TFCP2: variants seen among roughly 807,000 people sequenced by gnomAD.
TFCP2 encodes the protein alpha-globin transcription factor CP2.
In TFCP2, 33 loss-of-function variants were observed where a neutral mutation model predicts 73.4. That is an observed-to-expected ratio of 0.45 (90% CI 0.34 to 0.60). TFCP2 has a LOEUF of 0.60. TFCP2 is among the 20% of genes least tolerant of loss of function. The pLI is 0.01. For missense variants in TFCP2, 352 were observed against 604.0 expected, an observed-to-expected ratio of 0.58 and a Z score of 4.37; for synonymous variants, 193 against 211.6, an observed-to-expected ratio of 0.91 and a Z score of 0.76.
At chr12:51,168,187 G>A (rs1941792585) in intron 1 of TFCP2, among the ~76,000 whole-genome samples, 2 of 152,138 alleles carry the variant, frequency 1.3e-5, no homozygotes, top group Non-Finnish European at 2.9e-5. Context: ...TTTGAGCCCA[G>A]GAGTTCCAGA....
intron 3 of TFCP2, among the ~76,000 whole-genome samples, chr12:51,117,157 C>T (rs1940547532): frequency 6.6e-6 from 1 of 152,140 alleles, no homozygotes; most frequent in Admixed American, 6.6e-5. Context: ...AGCCTGTTTC[C>T]ATCAACTTTC....
intron 1 of TFCP2, among the ~76,000 whole-genome samples, chr12:51,160,067 T>A (rs1413237619): frequency 4.6e-5 from 7 of 151,994 alleles, no homozygotes; most frequent in Non-Finnish European, 7.4e-5. Flanking sequence ...GCAACTGTTA[T>A]CTTGGTGGTG....
At chr12:51,168,298 G>A (rs947903379) in intron 1 of TFCP2, among the ~76,000 whole-genome samples, 2 of 151,974 alleles carry the variant, frequency 1.3e-5, no homozygotes, top group African/African-American at 4.8e-5. Context: ...CTCCAGCCTA[G>A]GGGACAGCTA....
Position 51,159,374 on chromosome 12 carries a change from G to A in TFCP2, c.122+12927C>T, listed in dbSNP as rs186718294. On this transcript the variant is annotated intron_variant, in intron 1 of 14. Coordinates refer to ENST00000257915, the MANE Select transcript of TFCP2 (RefSeq NM_005653.5). Reference sequence around the variant, plus strand: ...TTTTTTTGAGACCGAGTCTCGCTCTGTCACCCAGGCTGGAGTGCAATGGCG... The same window carrying A: ...TTTTTTTGAGACCGAGTCTCGCTCTATCACCCAGGCTGGAGTGCAATGGCG... Among the ~76,000 whole-genome samples, 1,060 of 151,248 alleles carry A rather than the reference G, an allele frequency of 7.0e-3. 11 individuals carry two copies. The highest frequency in any genetic ancestry group is 0.025 in the African/African-American group (1,024 of 41,160).
intron 12 of TFCP2, among the ~76,000 whole-genome samples, 175 bp from the exon 13 acceptor site, chr12:51,099,093 T>C (rs1193130832): frequency 4.6e-5 from 7 of 152,166 alleles, no homozygotes; most frequent in Non-Finnish European, 1.0e-4. Context: ...TTAACATTCC[T>C]AGGCCTGATT....
At position 51,094,688 on chromosome 12, in the gene TFCP2, G is replaced by A. The variant is rs1167007115; in HGVS notation, c.*553C>T. 1 of 152,670 alleles carries A rather than the reference G, an allele frequency of 6.6e-6. No individual in the cohort carries two copies. The highest frequency in any genetic ancestry group is 1.5e-5 in the Non-Finnish European group (1 of 68,384). 9.5% of individuals were successfully genotyped at this position (152,670 alleles called of 1,614,324 possible). ...ACTGCCTGGTCAATAAATGTTAGCT[G>A]AAAATACTATTAGTTGTGGTATTAC... On this transcript the variant is annotated 3_prime_UTR_variant, in exon 15 of 15. Transcript: ENST00000257915.
chr12:51,112,145 C>A (rs948218597), intron 4 of TFCP2, among the ~76,000 whole-genome samples: 1 of 152,112 alleles, frequency 6.6e-6, no homozygotes, highest in Non-Finnish European at 1.5e-5. Flanking sequence ...GGTGACAGAG[C>A]AAGACTGTCT....
At chr12:51,139,482 C>T (rs114688990) in intron 1 of TFCP2, among the ~76,000 whole-genome samples, 2,085 of 152,112 alleles carry the variant, frequency 0.014, 50 homozygotes, top group African/African-American at 0.048. Context: ...ATCAATCCAC[C>T]CACCTCAGCC....
At chr12:51,112,546 G>A (rs921803155) in intron 4 of TFCP2, among the ~76,000 whole-genome samples, 21 of 152,108 alleles carry the variant, frequency 1.4e-4, no homozygotes, top group African/African-American at 4.8e-4. Context: ...ATTATATCAT[G>A]AATGAAAGTG....
Position 51,096,033 on chromosome 12 carries a change from T to C in TFCP2, c.1427A>G (p.Gln476Arg). The C allele has an allele frequency of 6.2e-7, 1 of 1,613,106 alleles. No individual in the cohort carries two copies. Among genetic ancestry groups the C allele is most frequent in the Non-Finnish European group, 8.5e-7 (1 of 1,179,556 alleles). The change falls in exon 14 of 15, where the codon CAG becomes CGG. Residue 476 changes from glutamine (Q) to arginine (R), a missense_variant. Gln to Arg is a conservative substitution (Grantham distance 43). This residue lies in a region of TFCP2 where 194 missense variants were observed against 256.3 expected (regional missense o/e 0.76). Coordinates refer to ENST00000257915, the MANE Select transcript of TFCP2 (RefSeq NM_005653.5). ...AAAACATGCTTCTTCCTGAAAGTTC[T>C]GTATCATCTGAAAAATGCAAGAAAA... is the stretch of plus-strand genomic sequence containing the variant. ...IHVLISDEMI[Q>R]NFQEEACFIL...
At chr12:51,108,599 C>T (rs149630707) in intron 6 of TFCP2, among the ~76,000 whole-genome samples, 1 of 151,968 alleles carries the variant, frequency 6.6e-6, no homozygotes, top group Non-Finnish European at 1.5e-5. Context: ...CATGGCAAGA[C>T]CCCCTCTCTA....
chr12:51,098,739 T>C, intron 13 of TFCP2, 37 bp downstream of exon 13: 1 of 1,611,628 alleles, frequency 6.2e-7, no homozygotes, highest in Non-Finnish European at 8.5e-7. Context: ...GACAAATTAA[T>C]CATCATCTGG....
chr12:51,118,463 G>A (rs1166032762), intron 2 of TFCP2, among the ~76,000 whole-genome samples, 158 bp downstream of exon 2: 1 of 152,170 alleles, frequency 6.6e-6, no homozygotes, highest in Non-Finnish European at 1.5e-5. Flanking sequence ...GCTGAGGCAG[G>A]AGAATGGTGT....
At chr12:51,159,759 G>A (rs1320731083) in intron 1 of TFCP2, among the ~76,000 whole-genome samples, 2 of 151,976 alleles carry the variant, frequency 1.3e-5, no homozygotes, top group African/African-American at 2.4e-5. Flanking sequence ...AAGTCCTGGG[G>A]ACCAGCCACT....
At chr12:51,137,426 TC>T (rs1260790062) in intron 1 of TFCP2, among the ~76,000 whole-genome samples, 1 of 152,172 alleles carries the variant, frequency 6.6e-6, no homozygotes, top group Non-Finnish European at 1.5e-5. Context: ...CAAATTTACT[TC>T]CAGGGAGCTT....
At position 51,095,200 on chromosome 12, in the gene TFCP2, G is replaced by A. The variant is rs775819471; in HGVS notation, c.*41C>T. ...CCCTTCAAGAGGGCCGTTTTCAGAG[G>A]TGAAGGAAGGAGCAGCCACTGGGCA... On this transcript the variant is annotated 3_prime_UTR_variant, in exon 15 of 15. Transcript: ENST00000257915. 3.7e-6 allele frequency: 6 copies of A among 1,609,438 alleles called. No homozygotes were observed. In the South Asian group the frequency reaches 5.5e-5, roughly 15 times the overall value.
At chr12:51,101,315 A>T (rs548283334) in intron 11 of TFCP2, among the ~76,000 whole-genome samples, 29 of 152,130 alleles carry the variant, frequency 1.9e-4, no homozygotes, top group South Asian at 1.7e-3. Context: ...CAAAAAAATT[A>T]AAAAAAAGTA....
At chr12:51,124,164 A>C (rs1052033571) in intron 1 of TFCP2, among the ~76,000 whole-genome samples, 1 of 152,008 alleles carries the variant, frequency 6.6e-6, no homozygotes, top group African/African-American at 2.4e-5. Flanking sequence ...GGCGTGATCA[A>C]AGCTCACTGC....
intron 1 of TFCP2, among the ~76,000 whole-genome samples, chr12:51,153,398 CTTT>C (rs57780998): frequency 7.0e-4 from 106 of 150,362 alleles, no homozygotes; most frequent in Admixed American, 5.0e-3. Flanking sequence ...ATCATTTAAC[CTTT>C]TTTTTTTTTG....
Sources: gnomAD v4.1 joint callset for allele counts (sites outside exome capture counted in the v4.1 genomes callset) on GRCh38, gnomAD v4.1.1 for gene constraint, gnomAD v4.1.1 regional missense constraint, MANE v1.5 for transcripts, NCBI Gene and HGNC (gene_info 2026-07-23, HGNC 2026-07-21) for gene names.